ST6GAL1: variants seen among roughly 807,000 people sequenced by gnomAD.
ST6GAL1 encodes ST6 beta-galactoside alpha-2,6-sialyltransferase 1.
ST6GAL1 carries 20 observed loss-of-function variants against 38.0 expected under a neutral mutation model. The observed-to-expected ratio is 0.53, with a 90% CI of 0.37 to 0.77. The LOEUF is 0.77. ST6GAL1 is among the 30% of genes least tolerant of loss of function. The pLI, the probability that ST6GAL1 is intolerant of heterozygous loss-of-function variation, is 0.00. For missense variants in ST6GAL1, 432 were observed against 496.4 expected, an observed-to-expected ratio of 0.87 and a Z score of 1.23; for synonymous variants, 196 against 188.2, an observed-to-expected ratio of 1.04 and a Z score of -0.34.
intron 4 of ST6GAL1, among the ~76,000 whole-genome samples, chr3:187,046,235 A>T (rs1247754788): frequency 6.6e-6 from 1 of 152,214 alleles, no homozygotes; most frequent in Non-Finnish European, 1.5e-5. Flanking sequence ...CTTACTATCT[A>T]GCTGGAAATG....
chr3:187,046,175 A>C (rs1194035634), intron 4 of ST6GAL1, among the ~76,000 whole-genome samples: 1 of 152,222 alleles, frequency 6.6e-6, no homozygotes, highest in East Asian at 1.9e-4. Flanking sequence ...GGTAGCAGTG[A>C]TGAAGAGAAA....
intron 5 of ST6GAL1, chr3:187,064,746 C>T: frequency 2.6e-6 from 1 of 388,424 alleles, no homozygotes; most frequent in Non-Finnish European, 5.1e-6. Context: ...CACTTTCTAT[C>T]ATTGCCCTTT....
intron 2 of ST6GAL1, among the ~76,000 whole-genome samples, chr3:187,026,048 C>G (rs1717524604): frequency 6.6e-6 from 1 of 152,196 alleles, no homozygotes; most frequent in Non-Finnish European, 1.5e-5. Context: ...TGGGCCTGTC[C>G]TCAGGTAAAC....
At chr3:186,973,211 T>A (rs1020157002) in intron 2 of ST6GAL1, among the ~76,000 whole-genome samples, 6 of 152,248 alleles carry the variant, frequency 3.9e-5, no homozygotes, top group South Asian at 4.2e-4. Context: ...AATTTTTATA[T>A]TTTTAGTAGA....
chr3:187,066,639 C>CT (rs1342071814), intron 5 of ST6GAL1, among the ~76,000 whole-genome samples: 1 of 142,974 alleles, frequency 7.0e-6, no homozygotes, highest in African/African-American at 2.5e-5. Context: ...TGTTTCTATT[C>CT]TTGCATTTTC....
chr3:187,067,179 G>A (rs1267096496), intron 5 of ST6GAL1, among the ~76,000 whole-genome samples: 3 of 142,602 alleles, frequency 2.1e-5, no homozygotes, highest in Admixed American at 7.5e-5. Context: ...CTCTGCCTCC[G>A]GGGTTCAAGC....
intron 1 of ST6GAL1, among the ~76,000 whole-genome samples, chr3:186,951,331 A>G (rs983768553): frequency 1.3e-5 from 2 of 152,220 alleles, no homozygotes; most frequent in Non-Finnish European, 2.9e-5. Flanking sequence ...TGCTGGGATT[A>G]CAGGCATGAG....
At chr3:187,023,301 C>G (rs908988931) in intron 2 of ST6GAL1, among the ~76,000 whole-genome samples, 5 of 152,222 alleles carry the variant, frequency 3.3e-5, no homozygotes, top group African/African-American at 9.6e-5. Context: ...GTCTGCATAT[C>G]AGTTATCTCC....
chr3:187,073,009 T>C, intron 6 of ST6GAL1, 62 bp downstream of exon 6: 1 of 1,362,982 alleles, frequency 7.3e-7, no homozygotes, highest in Non-Finnish European at 1.0e-6. Flanking sequence ...ATTTTCCTGA[T>C]TTCCTAGGTT....
At chr3:186,987,754 T>C (rs958327778) in intron 2 of ST6GAL1, among the ~76,000 whole-genome samples, 5 of 152,220 alleles carry the variant, frequency 3.3e-5, no homozygotes, top group African/African-American at 1.2e-4. Flanking sequence ...AGTTGACCTA[T>C]GGAAAATGCA....
intron 2 of ST6GAL1, among the ~76,000 whole-genome samples, chr3:186,992,220 G>A (rs540359987): frequency 6.6e-6 from 1 of 152,248 alleles, no homozygotes; most frequent in South Asian, 2.1e-4. Flanking sequence ...CATGGGGGCT[G>A]TTTCCCCCAT....
At chr3:187,014,130 A>G (rs1174549965) in intron 2 of ST6GAL1, among the ~76,000 whole-genome samples, 1 of 152,206 alleles carries the variant, frequency 6.6e-6, no homozygotes, top group Non-Finnish European at 1.5e-5. Context: ...CCTTACTTCT[A>G]ACCCTCACTG....
chr3:186,967,737 T>A (rs768076595), intron 2 of ST6GAL1, among the ~76,000 whole-genome samples: 12 of 152,222 alleles, frequency 7.9e-5, no homozygotes, highest in Non-Finnish European at 1.6e-4. Flanking sequence ...GCTTGATCGT[T>A]AGCCATCACG....
intron 2 of ST6GAL1, among the ~76,000 whole-genome samples, chr3:186,967,460 G>A (rs1372463108): frequency 2.0e-5 from 3 of 152,196 alleles, no homozygotes; most frequent in East Asian, 3.9e-4. Context: ...CCAAAGTGCC[G>A]GGATTACAAG....
intron 2 of ST6GAL1, among the ~76,000 whole-genome samples, chr3:186,982,576 C>T (rs909195907): frequency 6.6e-6 from 1 of 152,124 alleles, no homozygotes; most frequent in African/African-American, 2.4e-5. Flanking sequence ...TTTAATCAAC[C>T]TTGAGCTTGA....
At chr3:187,033,047 A>G (rs1717806002) in intron 2 of ST6GAL1, among the ~76,000 whole-genome samples, 1 of 152,226 alleles carries the variant, frequency 6.6e-6, no homozygotes, top group Non-Finnish European at 1.5e-5. Context: ...GTTGATACAC[A>G]AGGTTGAAGT....
rs570064876 is a variant in ST6GAL1 at position 187,068,893 on chromosome 3, C to A, written c.706-3956C>A. Among the ~76,000 whole-genome samples the A allele has an allele frequency of 2.0e-5, 3 of 152,326 alleles. No individual in the cohort carries two copies. In the East Asian group the frequency reaches 5.8e-4, roughly 29 times the overall value. ...ATAGGGTGGATGAGGATAGGGAGTA[C>A]TGGCCCTCTGTCCTCAGGCCTCCCT... On this transcript the variant is annotated intron_variant, in intron 5 of 7. Coordinates refer to ENST00000169298, the MANE Select transcript of ST6GAL1 (RefSeq NM_173216.2).
At chr3:186,970,215 C>CTTTTTTTTTTT (rs34302492) in intron 2 of ST6GAL1, among the ~76,000 whole-genome samples, 1 of 132,812 alleles carries the variant, frequency 7.5e-6, no homozygotes, top group Non-Finnish European at 1.6e-5. Flanking sequence ...TTTTCTTTTT[C>CTTTTTTTTTTT]TTTTTTTTTT....
intron 2 of ST6GAL1, among the ~76,000 whole-genome samples, chr3:187,001,268 C>G (rs1161218182): frequency 2.0e-5 from 3 of 152,220 alleles, no homozygotes; most frequent in African/African-American, 7.2e-5. Context: ...CTCCACTGCA[C>G]ATAGATCTGT....
Sources: allele counts gnomAD v4.1 joint callset (sites outside exome capture counted in the v4.1 genomes callset), GRCh38; gene constraint gnomAD v4.1.1; transcripts MANE v1.5; gene names NCBI Gene and HGNC (gene_info 2026-07-23, HGNC 2026-07-21).